Variants in CYFIP1 observed in about 807,000 individuals in gnomAD.
CYFIP1 encodes cytoplasmic FMR1-interacting protein 1.
CYFIP1 carries 58 observed loss-of-function variants against 163.5 expected under a neutral mutation model. The ratio of observed to expected loss-of-function variants is 0.35; its 90% confidence interval spans 0.29 to 0.44. The LOEUF is 0.44. CYFIP1 is among the 20% of genes least tolerant of loss of function. The pLI, the probability that CYFIP1 is intolerant of heterozygous loss-of-function variation, is 1.00. For synonymous variants in CYFIP1, 663 were observed against 660.7 expected, an observed-to-expected ratio of 1.00 and a Z score of -0.05; for missense variants, 1,338 against 1,653.8, an observed-to-expected ratio of 0.81 and a Z score of 3.31.
At chr15:22,923,942 C>CAAA (rs916058496) in intron 13 of CYFIP1, among the ~76,000 whole-genome samples, 1,791 of 60,820 alleles carry the variant, frequency 0.029, 73 homozygotes, top group Middle Eastern at 0.054. Flanking sequence ...ACCTTGTCTC[C>CAAA]AAAAAAAAAA....
chr15:22,978,972 A>C (rs2063374103), intron 1 of CYFIP1, among the ~76,000 whole-genome samples: 1 of 152,180 alleles, frequency 6.6e-6, no homozygotes, highest in Non-Finnish European at 1.5e-5. Context: ...ACTGAACACC[A>C]AAAAGTGAAT....
chr15:22,885,882 T>A (rs1275102985), intron 23 of CYFIP1, among the ~76,000 whole-genome samples: 1 of 152,182 alleles, frequency 6.6e-6, no homozygotes, highest in Admixed American at 6.5e-5. Context: ...TTTTCAGGTA[T>A]CTTTATAGCA....
chr15:22,960,444 A>C (rs981081247), intron 1 of CYFIP1, among the ~76,000 whole-genome samples: 1 of 152,246 alleles, frequency 6.6e-6, no homozygotes, highest in Non-Finnish European at 1.5e-5. Flanking sequence ...GCGGTGCCAC[A>C]GAACATCCCC....
At chr15:22,915,830 CA>C (rs944026638) in intron 16 of CYFIP1, among the ~76,000 whole-genome samples, 3 of 152,162 alleles carry the variant, frequency 2.0e-5, no homozygotes, top group African/African-American at 7.2e-5. Context: ...GCATTAGAGG[CA>C]CACTCAGGGA....
In CYFIP1 at chr15:22,917,119, G is replaced by C; in HGVS notation, c.1675-489C>G. On this transcript the variant is annotated intron_variant, in intron 15 of 30. Transcript: ENST00000617928. The surrounding 1 kb of genome is among the most constrained non-coding windows in gnomAD (Gnocchi z 4.2). The stretch of plus-strand genomic sequence containing the variant: ...CAGGCAGGGACACGGGACGCACGCA[G>C]AGGGAGGCAGGGAGGGTGGCTGGCA... The C allele has an allele frequency of 6.9e-7, 1 of 1,449,578 alleles. No homozygotes were observed. Among genetic ancestry groups the C allele is most frequent in the Non-Finnish European group, 9.0e-7 (1 of 1,106,980 alleles). The allele number at this position is 1,449,578 out of a possible 1,614,324, so 89.8% of individuals were successfully genotyped here. A position where few individuals can be genotyped will look rare whatever the true frequency, so the allele number is the denominator to read the frequency against.
At chr15:22,949,846 G>A (rs138752105) in intron 1 of CYFIP1, among the ~76,000 whole-genome samples, 9 of 151,910 alleles carry the variant, frequency 5.9e-5, no homozygotes, top group African/African-American at 1.4e-4. Flanking sequence ...AGCAACCACC[G>A]AAGAAAGCTG....
At chr15:22,949,735 G>C (rs1401857069) in intron 1 of CYFIP1, among the ~76,000 whole-genome samples, 1 of 151,994 alleles carries the variant, frequency 6.6e-6, no homozygotes, top group Non-Finnish European at 1.5e-5. Flanking sequence ...AACCTGGATG[G>C]GGTAAGATTT....
Position 22,900,815 on chromosome 15 carries a change from A to G in CYFIP1, c.2588+2891T>C, listed in dbSNP as rs539831777. Among the ~76,000 whole-genome samples, 49 of 152,206 alleles carry G rather than the reference A, an allele frequency of 3.2e-4. 2 individuals are homozygous for G. The South Asian group carries it at 9.3e-3, about 29-fold the overall frequency. ...ACCCACCCCAGCCTCAAAACTCCAC[A>G]GTAATGGATAATCCTTAGTACAAAT... On this transcript the variant is annotated intron_variant, in intron 22 of 30. Transcript: ENST00000617928.
At position 22,870,147 on chromosome 15, in the gene CYFIP1, T is replaced by G; in HGVS notation, c.3643A>C (p.Asn1215His). ...TCCAGGATGGTGATGATCTCATCAT[T>G]GAGAATCTGGAACTTGCGAATTCTC... ...VERIRKFQIL[N>H]DEIITILDKY... The change falls in exon 31 of 31, where the codon AAT becomes CAT. Residue 1215 changes from asparagine (N) to histidine (H), a missense_variant. Around this residue, in one of 4 missense-constraint regions of CYFIP1, gnomAD observed 306 missense variants for 322.1 expected, o/e 0.95. Transcript: ENST00000617928. 6.2e-7 allele frequency: 1 copy of G among 1,612,484 alleles called. No individual in the cohort carries two copies. The highest frequency in any genetic ancestry group is 8.5e-7 in the Non-Finnish European group (1 of 1,179,444).
At chr15:22,882,559 C>T (rs558248738) in intron 24 of CYFIP1, among the ~76,000 whole-genome samples, 1 of 152,334 alleles carries the variant, frequency 6.6e-6, no homozygotes, top group African/African-American at 2.4e-5. Context: ...AACCCCAGCA[C>T]TTTGGGAGGC....
rs2059366448 is a variant in CYFIP1, at chr15:22,869,681, G to A, written c.*347C>T. 2 of 174,002 alleles carry A rather than the reference G, an allele frequency of 1.1e-5. No individual in the cohort carries two copies. The highest frequency in any genetic ancestry group is 1.9e-4 in the South Asian group (1 of 5,350). 10.8% of individuals were successfully genotyped at this position (174,002 alleles called of 1,614,324 possible). On this transcript the variant is annotated 3_prime_UTR_variant, in exon 31 of 31. Transcript: ENST00000617928. ...AAATAGTTACAGTTAATGGTAACTG[G>A]CAAGGGATTTAATGCATTTGCTGGT...
intron 1 of CYFIP1, chr15:22,951,634 C>A (rs2062252909): frequency 3.7e-6 from 4 of 1,094,844 alleles, no homozygotes; most frequent in Non-Finnish European, 4.8e-6. Flanking sequence ...CATGCCCGGG[C>A]CCCACGCGGG....
chr15:22,926,756 G>C, intron 12 of CYFIP1, among the ~76,000 whole-genome samples: 1 of 152,122 alleles, frequency 6.6e-6, no homozygotes, highest in Non-Finnish European at 1.5e-5. Flanking sequence ...CGACATTAAT[G>C]GGTACAAATG....
At chr15:22,963,432 G>A (rs1028904660) in intron 1 of CYFIP1, among the ~76,000 whole-genome samples, 5 of 152,162 alleles carry the variant, frequency 3.3e-5, no homozygotes, top group African/African-American at 9.6e-5. Flanking sequence ...GGAGGTTGCA[G>A]TGAGCCAAGA....
intron 1 of CYFIP1, among the ~76,000 whole-genome samples, chr15:22,961,223 T>C (rs949577779): frequency 1.3e-5 from 2 of 151,926 alleles, no homozygotes; most frequent in African/African-American, 4.8e-5. Flanking sequence ...GGTTTCACCA[T>C]GTTGGCCAGG....
chr15:22,903,467 C>G (rs2060465342), intron 22 of CYFIP1, among the ~76,000 whole-genome samples: 1 of 152,322 alleles, frequency 6.6e-6, no homozygotes, highest in East Asian at 1.9e-4. Flanking sequence ...AAACAGAAAG[C>G]CAGGAGATGC....
intron 22 of CYFIP1, among the ~76,000 whole-genome samples, chr15:22,894,878 T>TATATA (rs765803966): frequency 3.6e-5 from 4 of 110,256 alleles, no homozygotes; most frequent in Non-Finnish European, 7.6e-5. Flanking sequence ...TATATATATA[T>TATATA]TTTTTTTTTT....
rs1375018565 is a variant in CYFIP1, at chr15:22,880,063, G to A, written c.2912-20C>T. 18 of 1,613,080 alleles carry A rather than the reference G, an allele frequency of 1.1e-5. No individual in the cohort carries two copies. The highest frequency in any genetic ancestry group is 1.4e-5 in the Non-Finnish European group (16 of 1,179,834). Reference sequence around the variant, plus strand: ...GGATACCTACGGTGGCGGGAGTGAGGTGGGGTTGGGGGACTGGAGGGGGCC... The same window carrying A: ...GGATACCTACGGTGGCGGGAGTGAGATGGGGTTGGGGGACTGGAGGGGGCC... On this transcript the variant is annotated intron_variant, in intron 25 of 30. Transcript: ENST00000617928.
intron 1 of CYFIP1, among the ~76,000 whole-genome samples, chr15:22,971,227 C>A (rs1208421615): frequency 2.0e-5 from 3 of 152,192 alleles, no homozygotes; most frequent in Non-Finnish European, 2.9e-5. Context: ...GGATATGACA[C>A]CAAAAACACT....
Sources: gnomAD v4.1 joint callset for allele counts (sites outside exome capture counted in the v4.1 genomes callset) on GRCh38, gnomAD v4.1.1 for gene constraint, gnomAD v4.1.1 regional missense constraint, Gnocchi (gnomAD v3.1) non-coding constraint, MANE v1.5 for transcripts, NCBI Gene and HGNC (gene_info 2026-07-23, HGNC 2026-07-21) for gene names.